Variants in GCSAML observed in about 807,000 individuals in gnomAD.
GCSAML encodes the protein germinal center-associated signaling and motility-like protein.
A neutral mutation model predicts 13.0 loss-of-function variants in GCSAML; 9 were observed. That is an observed-to-expected ratio of 0.69 (90% confidence interval 0.42 to 1.21). GCSAML has a LOEUF of 1.21. Among genes scored for constraint, GCSAML ranks in the 50% most tolerant of loss-of-function variants. The pLI is 0.00. For synonymous variants in GCSAML, 37 were observed against 52.9 expected (o/e 0.70, Z 1.31); for missense variants, 143 against 153.4 (o/e 0.93, Z 0.36).
intron 1 of GCSAML, among the ~76,000 whole-genome samples, chr1:247,552,422 C>CA (rs1667807195): frequency 6.6e-6 from 1 of 152,180 alleles, no homozygotes; most frequent in Non-Finnish European, 1.5e-5. Flanking sequence ...CCCTGCTTGT[C>CA]AGAGGCCTGT....
chr1:247,531,985 T>A lies in GCSAML; in HGVS notation c.-148+4931T>A, dbSNP rs1477884830. 2.5e-6 allele frequency: 4 copies of A among 1,613,932 alleles called. No homozygotes were observed. In the East Asian group the frequency reaches 8.9e-5, roughly 36 times the overall value. On this transcript the variant is annotated intron_variant, in intron 2 of 5. Coordinates refer to the GCSAML transcript ENST00000366489. ...GAGGGGCATCTCGCAAAAGAAGTGG[T>A]CGATGCAATTGTTCCCACACAGCGG...
chr1:247,574,951 A>T lies in GCSAML; in HGVS notation c.*569A>T, dbSNP rs572288279. On this transcript the variant is annotated 3_prime_UTR_variant, in exon 5 of 5. Transcript: ENST00000366488. ...GGATTCCATCTATGAGACTTTGTCT[A>T]CATAACAGAGACCTTGGTTTCCACA... The T allele has an allele frequency of 1.3e-5, 2 of 154,014 alleles. No individual in the cohort carries two copies. The highest frequency in any genetic ancestry group is 3.9e-4 in the East Asian group (2 of 5,184). 9.5% of individuals were successfully genotyped at this position (154,014 alleles called of 1,614,324 possible). A position where few individuals can be genotyped will look rare whatever the true frequency, so the allele number is the denominator to read the frequency against.
At chr1:247,525,558 G>A (rs571543413) in intron 1 of GCSAML, 24 of 152,350 alleles carry the variant, frequency 1.6e-4, no homozygotes, top group African/African-American at 5.8e-4. Flanking sequence ...AGATGCATAG[G>A]GTGAGGTATA....
At chr1:247,513,584 G>C (rs1240737652) in intron 1 of GCSAML, among the ~76,000 whole-genome samples, 1 of 152,230 alleles carries the variant, frequency 6.6e-6, no homozygotes, top group African/African-American at 2.4e-5. Context: ...CTAGCTCAGT[G>C]TCTGCCCAAA....
At chr1:247,530,847 T>A (rs1558241092) in intron 2 of GCSAML, 1 of 67,352 alleles carries the variant, frequency 1.5e-5, no homozygotes, top group Non-Finnish European at 3.4e-5. Flanking sequence ...CCTAACGGCC[T>A]CCGGGCGCAT....
chr1:247,507,125 A>G (rs1665859182), exon 1 of GCSAML: 1 of 152,224 alleles, frequency 6.6e-6, no homozygotes, highest in Non-Finnish European at 1.5e-5. Context: ...ACAAGAGACA[A>G]TGACAAATAT....
Position 247,574,538 on chromosome 1 carries a change from T to C in GCSAML, c.*156T>C. 2.8e-6 allele frequency: 2 copies of C among 721,300 alleles called. No homozygotes were observed. Among genetic ancestry groups the C allele is most frequent in the Non-Finnish European group, 4.4e-6 (2 of 449,732 alleles). 44.7% of individuals were successfully genotyped at this position (721,300 alleles called of 1,614,324 possible). A position where few individuals can be genotyped will look rare whatever the true frequency, so the allele number is the denominator to read the frequency against. ...TATATATCCTTAGGCAACTCTGATA[T>C]GTGGCATCTCTGTGGCTTAGGTGAA... On this transcript the variant is annotated 3_prime_UTR_variant, in exon 5 of 5. Transcript: ENST00000366488.
intron 2 of GCSAML, chr1:247,531,866 G>A: frequency 1.2e-6 from 2 of 1,614,238 alleles, no homozygotes; most frequent in Non-Finnish European, 1.7e-6. Flanking sequence ...TAAGAGACCA[G>A]GATGAGCCCC....
chr1:247,551,706 G>A (rs1020354765), intron 1 of GCSAML, among the ~76,000 whole-genome samples: 8 of 152,178 alleles, frequency 5.3e-5, no homozygotes, highest in African/African-American at 1.9e-4. Context: ...CGTTTTATGT[G>A]ACACAGGAAC....
At chr1:247,543,248 A>G (rs72775707) in intron 2 of GCSAML, among the ~76,000 whole-genome samples, 1,616 of 152,354 alleles carry the variant, frequency 0.011, 13 homozygotes, top group Non-Finnish European at 0.019. Flanking sequence ...AGCATTAGTT[A>G]TTGATATATT....
chr1:247,559,823 C>T (rs79216412), intron 2 of GCSAML, among the ~76,000 whole-genome samples: 2,088 of 152,152 alleles, frequency 0.014, 41 homozygotes, highest in African/African-American at 0.046. Context: ...CTCTGTGTTA[C>T]GACTGTGTTC....
intron 2 of GCSAML, among the ~76,000 whole-genome samples, chr1:247,536,817 G>A (rs898020424): frequency 2.6e-5 from 4 of 152,104 alleles, no homozygotes; most frequent in Non-Finnish European, 2.9e-5. Context: ...GATAGTCTGA[G>A]ACATTTGCTC....
chr1:247,510,233 A>AGG (rs1665982747), intron 1 of GCSAML, among the ~76,000 whole-genome samples: 1 of 152,066 alleles, frequency 6.6e-6, no homozygotes, highest in African/African-American at 2.4e-5. Flanking sequence ...AGTCTTGAGA[A>AGG]GATGTATGTG....
At chr1:247,549,096 C>A, upstream of GCSAML, 1 of 1,612,290 alleles carries the variant, frequency 6.2e-7, no homozygotes, top group Non-Finnish European at 8.5e-7. Flanking sequence ...TCAGATGCAA[C>A]GTCCTGCCTC....
At chr1:247,523,534 C>T (rs972150269) in intron 1 of GCSAML, among the ~76,000 whole-genome samples, 3 of 152,176 alleles carry the variant, frequency 2.0e-5, no homozygotes, top group Non-Finnish European at 2.9e-5. Context: ...ATCCCACCCC[C>T]GTGCTTCAGT....
At chr1:247,542,849 C>G (rs1006924401) in intron 2 of GCSAML, among the ~76,000 whole-genome samples, 1 of 152,112 alleles carries the variant, frequency 6.6e-6, no homozygotes, top group Non-Finnish European at 1.5e-5. Context: ...ATGTAAAATA[C>G]GTAGGAAATA....
At chr1:247,520,531 C>G (rs1485808324) in intron 1 of GCSAML, among the ~76,000 whole-genome samples, 7 of 151,620 alleles carry the variant, frequency 4.6e-5, no homozygotes, top group African/African-American at 1.5e-4. Flanking sequence ...CCTCTTCACA[C>G]ACACACACAC....
chr1:247,569,661 A>C (rs1048437546), intron 4 of GCSAML, among the ~76,000 whole-genome samples: 1 of 152,166 alleles, frequency 6.6e-6, no homozygotes, highest in African/African-American at 2.4e-5. Context: ...ATTGGCCTGA[A>C]ATTTTCTATT....
intron 1 of GCSAML, among the ~76,000 whole-genome samples, chr1:247,517,465 A>G (rs1216445214): frequency 1.3e-5 from 2 of 152,226 alleles, no homozygotes; most frequent in African/African-American, 4.8e-5. Context: ...AATTGAAGCT[A>G]TTGTTCCACA....
Sources: gnomAD v4.1 joint callset for allele counts (sites outside exome capture counted in the v4.1 genomes callset) on GRCh38, gnomAD v4.1.1 for gene constraint, MANE v1.5 for transcripts, NCBI Gene and HGNC (gene_info 2026-07-23, HGNC 2026-07-21) for gene names.